The following SLFN11 variants were observed in gnomAD, a reference collection of about 807,000 sequenced individuals.
SLFN11 encodes schlafen family member 11.
In SLFN11, 43 loss-of-function variants were observed where a neutral mutation model predicts 53.4. The ratio of observed to expected loss-of-function variants is 0.80; its 90% CI spans 0.63 to 1.04. The LOEUF is 1.04. Among genes scored for constraint, SLFN11 ranks in the 50% least tolerant of loss-of-function variants. The pLI is 0.00. For synonymous variants in SLFN11, 389 were observed against 394.7 expected (o/e 0.99, Z 0.17); for missense variants, 990 against 1,079.1 (o/e 0.92, Z 1.16).
rs1906947071 is a variant in SLFN11 at position 35,353,037 on chromosome 17, A to G, written c.2025T>C (p.Thr675=). The change falls in exon 7 of 7, where the codon ACT becomes ACC. Residue 675 remains threonine, a synonymous_variant. Coordinates refer to ENST00000685675, the MANE Select transcript of SLFN11 (RefSeq NM_001376007.1). ...IVIDEAQNFR[T]EDGDWYGKAK... ...CCTTCCCATACCAGTCCCCATCTTC[A>G]GTACGGAAATTCTGAGCTTCGTCAA... 3 of 1,614,090 alleles carry G rather than the reference A, an allele frequency of 1.9e-6. No homozygotes were observed. Among genetic ancestry groups the G allele is most frequent in the Non-Finnish European group, 2.5e-6 (3 of 1,180,046 alleles).
At chr17:35,359,950 T>C in intron 5 of SLFN11, 1 of 302,090 alleles carries the variant, frequency 3.3e-6, no homozygotes, top group Non-Finnish European at 6.1e-6. Flanking sequence ...ATATGTGTCC[T>C]TTTAAAAATG....
intron 1 of SLFN11, among the ~76,000 whole-genome samples, chr17:35,369,303 G>A (rs1426399446): frequency 1.3e-5 from 2 of 152,072 alleles, no homozygotes; most frequent in Admixed American, 1.3e-4. Context: ...GGCTTTAAGT[G>A]AATATCAGCA....
At position 35,350,419 on chromosome 17, in the gene SLFN11, T is replaced by A. The variant is rs1906538581; in HGVS notation, c.*1937A>T. On this transcript the variant is annotated 3_prime_UTR_variant, in exon 7 of 7. Coordinates refer to ENST00000685675, the MANE Select transcript of SLFN11 (RefSeq NM_001376007.1). ...AAACAAATATCAGTAATCCTCTTTG[T>A]TCTAAACAAAAATTCATAATTATTT... The A allele has an allele frequency of 6.6e-6, 1 of 152,214 alleles. No homozygotes were observed. The highest frequency in any genetic ancestry group is 1.5e-5 in the Non-Finnish European group (1 of 68,034). 9.4% of individuals were successfully genotyped at this position (152,214 alleles called of 1,614,324 possible).
In SLFN11 at chr17:35,363,611, T is replaced by G. The variant is rs748227145; in HGVS notation, c.197A>C (p.Lys66Thr). ...SGGGVIRMAK[K>T]VEHPVEMGLD... ...TCCCATCTCCACGGGATGCTCAACCTTCTTGGCCATTCGAATCACTCCTCC... is the reference window on the plus strand; with the variant it reads ...TCCCATCTCCACGGGATGCTCAACCGTCTTGGCCATTCGAATCACTCCTCC... Residue 66 changes from lysine to threonine, a missense_variant, in exon 4 of 7, where the codon AAG becomes ACG. Lys to Thr is a moderately conservative substitution (Grantham distance 78, BLOSUM62 -1). Coordinates refer to ENST00000685675, the MANE Select transcript of SLFN11 (RefSeq NM_001376007.1). 13 of 1,613,858 alleles carry G rather than the reference T, an allele frequency of 8.1e-6. No homozygotes were observed. The East Asian group carries it at 1.1e-4, about 14-fold the overall frequency.
In SLFN11 at chr17:35,360,067, G is replaced by A; in HGVS notation, c.1198+176C>T. On this transcript the variant is annotated intron_variant, in intron 5 of 6. Transcript: ENST00000685675. ...TGTGTGGTCCTGCCTTAGCCAGTGG[G>A]GTCAGTAAGGGTTCATTTCTAAACC... The A allele has an allele frequency of 6.8e-6, 4 of 587,594 alleles. No individual in the cohort carries two copies. In the South Asian group the frequency reaches 9.1e-5, roughly 13 times the overall value. 36.4% of individuals were successfully genotyped at this position (587,594 alleles called of 1,614,324 possible).
rs1419316722 is a variant in SLFN11 at position 35,352,757 on chromosome 17, A to G, written c.2305T>C (p.Trp769Arg). 1 of 1,614,128 alleles carries G rather than the reference A, an allele frequency of 6.2e-7. No homozygotes were observed. Among genetic ancestry groups the G allele is most frequent in the Admixed American group, 1.7e-5 (1 of 60,004 alleles). The change falls in exon 7 of 7, where the codon TGG becomes CGG. Residue 769 changes from tryptophan (W) to arginine (R), a missense_variant. This residue lies in a region of SLFN11 where 313 missense variants were observed against 320.9 expected (regional missense o/e 0.98). Coordinates refer to ENST00000685675, the MANE Select transcript of SLFN11 (RefSeq NM_001376007.1). ...GCLEVFPEAE[W>R]SQGVQGTLRI... ...AAGGTTCCCTGAACACCCTGGGACC[A>G]TTCGGCTTCAGGAAATACCTCGAGG...
chr17:35,365,660 T>C (rs1000570925), intron 3 of SLFN11, among the ~76,000 whole-genome samples: 7 of 152,036 alleles, frequency 4.6e-5, no homozygotes, highest in Non-Finnish European at 1.0e-4. Context: ...ACAAGAAAGA[T>C]ATTTGACATG....
chr17:35,354,940 C>T (rs1907276732), intron 5 of SLFN11, among the ~76,000 whole-genome samples: 1 of 151,946 alleles, frequency 6.6e-6, no homozygotes. Flanking sequence ...GTACCAGGTG[C>T]TCACACGACT....
At chr17:35,357,139 CGTGTGT>C (rs35291259) in intron 5 of SLFN11, among the ~76,000 whole-genome samples, 2,652 of 142,882 alleles carry the variant, frequency 0.019, 37 homozygotes, top group Non-Finnish European at 0.022. Context: ...TTTTTCTGTG[CGTGTGT>C]GTGTGTGTGT....
intron 3 of SLFN11, among the ~76,000 whole-genome samples, chr17:35,364,612 A>G (rs2141973902): frequency 6.6e-6 from 1 of 152,308 alleles, no homozygotes; most frequent in East Asian, 1.9e-4. Context: ...ACCAGAGTTC[A>G]TGGAGATGGC....
At chr17:35,361,244 C>T (rs888657419) in intron 4 of SLFN11, among the ~76,000 whole-genome samples, 2 of 151,964 alleles carry the variant, frequency 1.3e-5, no homozygotes, top group Non-Finnish European at 2.9e-5. Flanking sequence ...GTTTGGGAAG[C>T]AGTAGTGATG....
Position 35,353,011 on chromosome 17 carries a change from G to A in SLFN11, c.2051C>T (p.Ala684Val). The change falls in exon 7 of 7, where the codon GCA (alanine) becomes GTA (valine). Residue 684 changes from alanine to valine, a missense_variant. By Grantham distance (64) the Ala-to-Val change is moderately conservative. Around this residue, in one of 3 missense-constraint regions of SLFN11, gnomAD observed 313 missense variants for 320.9 expected, o/e 0.98. Coordinates refer to ENST00000685675, the MANE Select transcript of SLFN11 (RefSeq NM_001376007.1). Reference sequence around the variant, plus strand: ...CTTTGCTCTCCGAGTGATGCTTTTTGCCTTCCCATACCAGTCCCCATCTTC... The same window carrying A: ...CTTTGCTCTCCGAGTGATGCTTTTTACCTTCCCATACCAGTCCCCATCTTC... ...RTEDGDWYGK[A>V]KSITRRAKGG... The A allele has an allele frequency of 6.2e-7, 1 of 1,614,092 alleles. No homozygotes were observed. Among genetic ancestry groups the A allele is most frequent in the East Asian group, 2.2e-5 (1 of 44,876 alleles).
chr17:35,353,128 A>G lies in SLFN11; in HGVS notation c.1934T>C (p.Ile645Thr). The change falls in exon 7 of 7, where the codon ATC (isoleucine) becomes ACC (threonine). Residue 645 changes from isoleucine (I) to threonine (T), a missense_variant. By Grantham distance (89) the Ile-to-Thr change is moderately conservative (BLOSUM62 -1). This residue lies in a region of SLFN11 where 313 missense variants were observed against 320.9 expected (regional missense o/e 0.98). Transcript: ENST00000685675. ...PLRNFISDRN[I>T]CRAETRKTFL... ...AGTTTTCCGGGTCTCTGCTCGGCAG[A>G]TATTTCTATCACTGTAAAAATTAAA... The G allele has an allele frequency of 6.2e-7, 1 of 1,612,928 alleles. No homozygotes were observed. Among genetic ancestry groups the G allele is most frequent in the African/African-American group, 1.3e-5 (1 of 74,940 alleles).
Position 35,362,780 on chromosome 17 carries a change from G to A in SLFN11, c.1028C>T (p.Thr343Ile). 6.3e-7 allele frequency: 1 copy of A among 1,594,864 alleles called. No homozygotes were observed. The highest frequency in any genetic ancestry group is 8.5e-7 in the Non-Finnish European group (1 of 1,171,220). Residue 343 changes from threonine (T) to isoleucine (I), a missense_variant, in exon 4 of 7, where the codon ACA becomes ATA. Physicochemically the swap from Thr to Ile is moderately conservative, Grantham distance 89. Around this residue, in one of 3 missense-constraint regions of SLFN11, gnomAD observed 521 missense variants for 516.2 expected, o/e 1.01. Transcript: ENST00000685675. ...CATCATGCCTACCCATTTCTCGGTTGTCAGGCTGCAGACGTACTTGTCCTC... is the reference window on the plus strand; with the variant it reads ...CATCATGCCTACCCATTTCTCGGTTATCAGGCTGCAGACGTACTTGTCCTC... ...IVEDKYVCSL[T>I]TEKWVGMMTD...
intron 5 of SLFN11, among the ~76,000 whole-genome samples, 177 bp from the exon 6 acceptor site, chr17:35,354,236 A>G (rs1201348566): frequency 6.6e-6 from 1 of 152,066 alleles, no homozygotes. Context: ...AATATCTGGT[A>G]TACTTCATCT....
chr17:35,359,728 T>C (rs554150181), intron 5 of SLFN11, among the ~76,000 whole-genome samples: 24 of 152,282 alleles, frequency 1.6e-4, no homozygotes, highest in African/African-American at 5.5e-4. Context: ...TATATTGTTT[T>C]CTCTTATTTA....
In SLFN11 at chr17:35,354,024, G is replaced by T. The variant is rs763558497; in HGVS notation, c.1234C>A (p.Leu412Ile). Residue 412 changes from leucine (L) to isoleucine (I), a missense_variant, in exon 6 of 7, where the codon CTC becomes ATC. Physicochemically the swap from Leu to Ile is conservative, Grantham distance 5. Around this residue, in one of 3 missense-constraint regions of SLFN11, gnomAD observed 521 missense variants for 516.2 expected, o/e 1.01. Coordinates refer to ENST00000685675, the MANE Select transcript of SLFN11 (RefSeq NM_001376007.1). ...TGCTCTGAGATCAGGTCCCTCCAGA[G>T]TGACTCTGGAGTATATCGCAAATAT... ...PGYLRYTPES[L>I]WRDLISEHRG... 7.1e-5 allele frequency: 115 copies of T among 1,613,374 alleles called. No individual in the cohort carries two copies. In the South Asian group the frequency reaches 1.2e-3, roughly 17 times the overall value.
chr17:35,351,232 G>A lies in SLFN11; in HGVS notation c.*1124C>T, dbSNP rs2141914092. 1 of 152,332 alleles carries A rather than the reference G, an allele frequency of 6.6e-6. No individual in the cohort carries two copies. Among genetic ancestry groups the A allele is most frequent in the East Asian group, 1.9e-4 (1 of 5,162 alleles). 9.4% of individuals were successfully genotyped at this position (152,332 alleles called of 1,614,324 possible). The stretch of plus-strand genomic sequence containing the variant: ...TTGTTTGCATGCACAGGGAGGGAGG[G>A]AACAAGCTCTCTGGGGTCTCTCCCT... On this transcript the variant is annotated 3_prime_UTR_variant, in exon 7 of 7. Coordinates refer to ENST00000685675, the MANE Select transcript of SLFN11 (RefSeq NM_001376007.1).
chr17:35,360,409 T>A, intron 4 of SLFN11, 38 bp from the exon 5 acceptor site: 1 of 1,573,864 alleles, frequency 6.4e-7, no homozygotes, highest in Non-Finnish European at 8.6e-7. Context: ...GACGTGTTAA[T>A]CTCTTCATAC....
Sources: allele counts gnomAD v4.1 joint callset (sites outside exome capture counted in the v4.1 genomes callset), GRCh38; gene constraint gnomAD v4.1.1; regional missense constraint gnomAD v4.1.1; transcripts MANE v1.5; gene names NCBI Gene and HGNC (gene_info 2026-07-23, HGNC 2026-07-21).